The following NXPE2 variants were observed in gnomAD, a reference collection of about 807,000 sequenced individuals.
The protein encoded by NXPE2 is NXPE family member 2.
In NXPE2, 34 loss-of-function variants were observed where a neutral mutation model predicts 34.4. The observed-to-expected ratio is 0.99, with a 90% confidence interval of 0.75 to 1.31. The LOEUF (loss-of-function observed/expected upper bound fraction) is 1.31, where lower values mean the gene tolerates loss of function less well. NXPE2 is among the 40% of genes most tolerant of loss of function. The pLI, the probability that NXPE2 is intolerant of heterozygous loss-of-function variation, is 0.00. For synonymous variants in NXPE2, 235 were observed against 231.3 expected (o/e 1.02, Z -0.15); for missense variants, 649 against 672.5 (o/e 0.97, Z 0.39).
At chr11:114,558,666 G>C in the NXPE2 span, among the ~76,000 whole-genome samples, 3 of 152,130 alleles carry the variant, frequency 2.0e-5, no homozygotes, top group Non-Finnish European at 4.4e-5. Flanking sequence ...TCCTGTTATG[G>C]ACTTAAGCTG....
At chr11:114,739,401 T>A in the NXPE2 span, among the ~76,000 whole-genome samples, 2 of 128,196 alleles carry the variant, frequency 1.6e-5, no homozygotes, top group Non-Finnish European at 3.3e-5. Flanking sequence ...CCTCCCTCCC[T>A]CCCTCGCTCC....
chr11:114,693,176 G>T (rs1017850224), intron 2 of NXPE2, among the ~76,000 whole-genome samples: 3 of 152,140 alleles, frequency 2.0e-5, no homozygotes, highest in Non-Finnish European at 2.9e-5. Context: ...AAATATTCCT[G>T]CCTGGTCTCA....
the NXPE2 span, among the ~76,000 whole-genome samples, chr11:114,782,708 G>T: frequency 6.6e-6 from 1 of 152,112 alleles, no homozygotes; most frequent in Non-Finnish European, 1.5e-5. Context: ...GCCACAGACA[G>T]GGTCCTAAGG....
the NXPE2 span, among the ~76,000 whole-genome samples, chr11:114,810,217 A>T: frequency 1.3e-5 from 2 of 150,472 alleles, no homozygotes; most frequent in East Asian, 2.0e-4. Flanking sequence ...CTTACATGTT[A>T]GACCTAAAAC....
chr11:114,601,916 A>G, the NXPE2 span, among the ~76,000 whole-genome samples: 1 of 32,842 alleles, frequency 3.0e-5, no homozygotes, highest in Admixed American at 6.0e-4. Context: ...TTATATAATT[A>G]TATATAATAT....
the NXPE2 span, among the ~76,000 whole-genome samples, chr11:114,795,929 G>T: frequency 2.0e-5 from 3 of 152,278 alleles, no homozygotes; most frequent in Admixed American, 6.5e-5. Context: ...GGTATGATTT[G>T]CCTGGTACCA....
At chr11:114,594,592 C>A in the NXPE2 span, 2 of 949,712 alleles carry the variant, frequency 2.1e-6, no homozygotes, top group Non-Finnish European at 3.3e-6. Flanking sequence ...TGTAGTTTAG[C>A]CTTTCCTAGA....
At chr11:114,630,691 A>T in the NXPE2 span, among the ~76,000 whole-genome samples, 1 of 151,234 alleles carries the variant, frequency 6.6e-6, no homozygotes, top group South Asian at 2.1e-4. Context: ...ATTAAACTAA[A>T]GAGCTTCTGC....
At chr11:114,786,917 C>A in the NXPE2 span, among the ~76,000 whole-genome samples, 1,158 of 152,266 alleles carry the variant, frequency 7.6e-3, 14 homozygotes, top group African/African-American at 0.026. Context: ...ACCCACATTG[C>A]ACTCTGGTCC....
At chr11:114,522,516 CAAAT>C in the NXPE2 span, 1 of 1,555,516 alleles carries the variant, frequency 6.4e-7, no homozygotes, top group Non-Finnish European at 8.7e-7. Flanking sequence ...GATAAAAAAA[CAAAT>C]AGATGTTTTA....
At chr11:114,807,046 TAAAGA>T in the NXPE2 span, among the ~76,000 whole-genome samples, 70 of 152,048 alleles carry the variant, frequency 4.6e-4, no homozygotes, top group African/African-American at 1.6e-3. Context: ...TCAAAATTCT[TAAAGA>T]AAAGAACTTT....
the NXPE2 span, among the ~76,000 whole-genome samples, chr11:114,639,584 G>A: frequency 6.7e-6 from 1 of 150,102 alleles, no homozygotes; most frequent in Admixed American, 6.8e-5. Flanking sequence ...GCTGTAGACT[G>A]GAGCTGTTCC....
intron 2 of NXPE2, among the ~76,000 whole-genome samples, chr11:114,691,271 T>C (rs533277252): frequency 2.6e-5 from 4 of 152,152 alleles, no homozygotes; most frequent in East Asian, 1.9e-4. Context: ...CTTTCTTTTT[T>C]TTCTTGGGGG....
the NXPE2 span, among the ~76,000 whole-genome samples, chr11:114,491,582 A>G: frequency 6.6e-6 from 1 of 152,200 alleles, no homozygotes; most frequent in African/African-American, 2.4e-5. Context: ...TTGTTCCACC[A>G]TTGTGGAAGT....
the NXPE2 span, among the ~76,000 whole-genome samples, chr11:114,794,992 AAAC>A: frequency 2.6e-5 from 4 of 152,208 alleles, no homozygotes; most frequent in African/African-American, 9.6e-5. Flanking sequence ...CTGTCAGAGT[AAAC>A]AACAAGATGA....
chr11:114,676,721 G>T (rs1332006358), upstream of NXPE2, among the ~76,000 whole-genome samples: 2 of 151,984 alleles, frequency 1.3e-5, no homozygotes, highest in African/African-American at 4.8e-5. Context: ...ATTTAAAATG[G>T]AAATACTGTA....
chr11:114,666,202 G>A, the NXPE2 span, among the ~76,000 whole-genome samples: 1 of 151,960 alleles, frequency 6.6e-6, no homozygotes, highest in African/African-American at 2.4e-5. Flanking sequence ...TTTTTTGAAA[G>A]CTATATACCT....
the NXPE2 span, among the ~76,000 whole-genome samples, chr11:114,587,914 GC>G: frequency 6.6e-6 from 1 of 152,170 alleles, no homozygotes; most frequent in East Asian, 1.9e-4. Context: ...AACCATCCTG[GC>G]CTGCAGAGGG....
the NXPE2 span, among the ~76,000 whole-genome samples, chr11:114,662,056 C>T: frequency 1.3e-5 from 2 of 152,106 alleles, no homozygotes; most frequent in African/African-American, 2.4e-5. Context: ...TAACAACTAT[C>T]GACACAAAAG....
Sources: allele counts gnomAD v4.1 joint callset (sites outside exome capture counted in the v4.1 genomes callset), GRCh38; gene constraint gnomAD v4.1.1; transcripts MANE v1.5; gene names NCBI Gene and HGNC (gene_info 2026-07-23, HGNC 2026-07-21).